The following ERC1 variants were observed in gnomAD, a reference collection of about 807,000 sequenced individuals.
ERC1 encodes RAB6 interacting protein 2.
ERC1 carries 56 observed loss-of-function variants against 132.0 expected under a neutral mutation model. The ratio of observed to expected loss-of-function variants is 0.42; its 90% CI spans 0.34 to 0.53. ERC1 has a LOEUF of 0.53. ERC1 is among the 20% of genes least tolerant of loss of function. The pLI is 0.03. For missense variants in ERC1, 1,202 were observed against 1,349.9 expected, an observed-to-expected ratio of 0.89 and a Z score of 1.72; for synonymous variants, 478 against 476.1, an observed-to-expected ratio of 1.00 and a Z score of -0.05.
Position 1,183,401 on chromosome 12 carries a change from A to G in ERC1, c.2137A>G (p.Met713Val), listed in dbSNP as rs1352309227. 6.3e-7 allele frequency: 1 copy of G among 1,575,626 alleles called. No homozygotes were observed. The highest frequency in any genetic ancestry group is 8.7e-7 in the Non-Finnish European group (1 of 1,155,524). Residue 713 changes from methionine (M) to valine (V), a missense_variant, in exon 11 of 19, where the codon ATG (methionine) becomes GTG (valine). By Grantham distance (21) the Met-to-Val change is conservative (BLOSUM62 1). Coordinates refer to ENST00000360905, the MANE Select transcript of ERC1 (RefSeq NM_178040.4). ...GCAGAAGAAGGAGGAGTGTCTGAAA[A>G]TGGAATCACAATTGAAAAAGGTTAA... Reference protein sequence around the residue: ...LEQKKEECLKMESQLKKAHEA... With the variant: ...LEQKKEECLKVESQLKKAHEA...
chr12:997,896 T>G (rs1961269401), intron 1 of ERC1, among the ~76,000 whole-genome samples: 1 of 152,180 alleles, frequency 6.6e-6, no homozygotes, highest in South Asian at 2.1e-4. Context: ...AGCAAGAACA[T>G]TTCCCAAGGA....
chr12:1,352,394 G>A (rs2085082280), intron 15 of ERC1, among the ~76,000 whole-genome samples: 1 of 152,130 alleles, frequency 6.6e-6, no homozygotes, highest in South Asian at 2.1e-4. Flanking sequence ...ATGTATTGGG[G>A]GAATATGAGA....
At chr12:1,272,946 T>TAAAAA (rs56750908) in intron 14 of ERC1, among the ~76,000 whole-genome samples, 1 of 87,776 alleles carries the variant, frequency 1.1e-5, no homozygotes, top group Admixed American at 1.3e-4. Flanking sequence ...AGACTCCGTC[T>TAAAAA]AAAAAAAAAA....
chr12:1,214,311 T>G (rs1175281422), intron 12 of ERC1, among the ~76,000 whole-genome samples: 2 of 152,224 alleles, frequency 1.3e-5, no homozygotes, highest in African/African-American at 4.8e-5. Flanking sequence ...ATGATTTAAT[T>G]TTATTGAAGG....
chr12:1,268,767 A>T (rs2077632442), intron 14 of ERC1, among the ~76,000 whole-genome samples: 2 of 152,208 alleles, frequency 1.3e-5, no homozygotes, highest in Admixed American at 6.5e-5. Context: ...CTCCATATAA[A>T]AAAGAAAGAA....
chr12:1,482,240 G>A (rs10848484), intron 18 of ERC1, among the ~76,000 whole-genome samples: 40,484 of 151,804 alleles, frequency 0.27, 5,727 homozygotes, highest in Middle Eastern at 0.35. Flanking sequence ...TTCCTCCTTT[G>A]TGCCTCACCT....
At chr12:1,249,434 C>G (rs530885457) in intron 13 of ERC1, among the ~76,000 whole-genome samples, 3 of 152,314 alleles carry the variant, frequency 2.0e-5, no homozygotes, top group Non-Finnish European at 4.4e-5. Context: ...GCGAAGCTGC[C>G]TAAATCCTCG....
intron 18 of ERC1, among the ~76,000 whole-genome samples, chr12:1,461,529 G>C (rs77918180): frequency 6.6e-6 from 1 of 152,002 alleles, no homozygotes; most frequent in Non-Finnish European, 1.5e-5. Flanking sequence ...TTAACCTGGC[G>C]TGGTGGTGGG....
intron 17 of ERC1, among the ~76,000 whole-genome samples, chr12:1,434,566 A>T (rs902891947): frequency 2.6e-5 from 4 of 152,134 alleles, no homozygotes; most frequent in Admixed American, 2.0e-4. Context: ...CTTTGCGCTC[A>T]TTCCATTTCC....
chr12:1,337,320 T>G (rs1051895711), intron 15 of ERC1, among the ~76,000 whole-genome samples: 2 of 152,102 alleles, frequency 1.3e-5, no homozygotes, highest in South Asian at 4.1e-4. Context: ...TTTTCTTTTT[T>G]TTTTTTAATC....
chr12:1,376,867 T>C (rs2087987114), intron 16 of ERC1, among the ~76,000 whole-genome samples: 2 of 152,062 alleles, frequency 1.3e-5, no homozygotes, highest in South Asian at 4.1e-4. Flanking sequence ...AAAGAAACGG[T>C]GCGATTTGTT....
At chr12:1,424,985 C>T (rs1024426701) in intron 17 of ERC1, among the ~76,000 whole-genome samples, 3 of 152,104 alleles carry the variant, frequency 2.0e-5, no homozygotes, top group African/African-American at 4.8e-5. Flanking sequence ...TGGCTTGAGA[C>T]CTCAAGAAGC....
intron 15 of ERC1, among the ~76,000 whole-genome samples, chr12:1,367,281 A>G (rs2086751855): frequency 6.6e-6 from 1 of 152,212 alleles, no homozygotes; most frequent in South Asian, 2.1e-4. Flanking sequence ...CATGTCCATG[A>G]CATTAAAATG....
At chr12:1,336,347 T>C (rs146836530) in intron 15 of ERC1, among the ~76,000 whole-genome samples, 43 of 152,252 alleles carry the variant, frequency 2.8e-4, no homozygotes, top group African/African-American at 9.6e-4. Context: ...TGTAAAGTTG[T>C]TATATTGAGA....
At chr12:1,420,870 GT>G (rs1199516797) in intron 17 of ERC1, among the ~76,000 whole-genome samples, 2 of 139,078 alleles carry the variant, frequency 1.4e-5, no homozygotes, top group Non-Finnish European at 3.1e-5. Flanking sequence ...GCATTTATTG[GT>G]TTACTTCCCC....
intron 16 of ERC1, among the ~76,000 whole-genome samples, chr12:1,374,376 A>G (rs1353542514): frequency 6.6e-6 from 1 of 152,050 alleles, no homozygotes; most frequent in Non-Finnish European, 1.5e-5. Context: ...ACCCCCTCTA[A>G]CCACCGCCCC....
intron 16 of ERC1, among the ~76,000 whole-genome samples, chr12:1,394,756 A>G (rs1453848527): frequency 6.6e-6 from 1 of 152,164 alleles, no homozygotes; most frequent in Non-Finnish European, 1.5e-5. Flanking sequence ...GAGGCCTTCC[A>G]GTCATGTTTC....
chr12:1,455,910 G>A (rs1376606786), intron 18 of ERC1, among the ~76,000 whole-genome samples: 7 of 152,102 alleles, frequency 4.6e-5, no homozygotes, highest in African/African-American at 9.7e-5. Context: ...CCTTAGTTTC[G>A]AAAGATGCGA....
intron 15 of ERC1, among the ~76,000 whole-genome samples, chr12:1,299,860 C>T (rs11061692): frequency 3.9e-5 from 6 of 152,046 alleles, no homozygotes; most frequent in African/African-American, 1.4e-4. Context: ...TTTGAGCAAA[C>T]TTATACCAAT....
Sources: gnomAD v4.1 joint callset for allele counts (sites outside exome capture counted in the v4.1 genomes callset) on GRCh38, gnomAD v4.1.1 for gene constraint, MANE v1.5 for transcripts, NCBI Gene and HGNC (gene_info 2026-07-23, HGNC 2026-07-21) for gene names.